Variants in TCP11L1 observed in about 807,000 individuals in gnomAD.
The protein encoded by TCP11L1 is T-complex protein 11-like protein 1.
A neutral mutation model predicts 48.9 loss-of-function variants in TCP11L1; 28 were observed. That is an observed-to-expected ratio of 0.57 (90% CI 0.42 to 0.78). TCP11L1 has a LOEUF of 0.78. TCP11L1 is among the 30% of genes least tolerant of loss of function. The pLI, the probability that TCP11L1 is intolerant of heterozygous loss-of-function variation, is 0.00. For synonymous variants in TCP11L1, 204 were observed against 231.9 expected (o/e 0.88, Z 1.09); for missense variants, 505 against 613.4 (o/e 0.82, Z 1.87).
Position 33,057,756 on chromosome 11 carries a change from T to C in TCP11L1, c.418-163T>C, listed in dbSNP as rs189289854. On this transcript the variant is annotated intron_variant, in intron 4 of 9. Transcript: ENST00000334274. ...TGGAAGCTTAAGTAGCTATTGTAAATGATTTGTAAACATGTTTTTCTGTAG... is the reference window on the plus strand; with the variant it reads ...TGGAAGCTTAAGTAGCTATTGTAAACGATTTGTAAACATGTTTTTCTGTAG... Among the ~76,000 whole-genome samples, 772 of 152,342 alleles carry C rather than the reference T, an allele frequency of 5.1e-3. 9 individuals are homozygous for C. Among genetic ancestry groups the C allele is most frequent in the African/African-American group, 0.017 (706 of 41,572 alleles).
intron 7 of TCP11L1, among the ~76,000 whole-genome samples, chr11:33,063,370 T>G (rs1054469254): frequency 1.3e-5 from 2 of 152,288 alleles, no homozygotes; most frequent in African/African-American, 4.8e-5. Flanking sequence ...ATGGTGACTC[T>G]TAAGTTTAAC....
intron 2 of TCP11L1, among the ~76,000 whole-genome samples, chr11:33,046,769 A>G (rs1448183697): frequency 6.6e-6 from 1 of 152,246 alleles, no homozygotes; most frequent in Non-Finnish European, 1.5e-5. Flanking sequence ...AAAATATGGA[A>G]TTAACAGTTT....
Position 33,043,864 on chromosome 11 carries a change from G to A in TCP11L1, c.91G>A (p.Gly31Ser). ...SEEGLEDAVE[G>S]ADEALQKAIK... ...GGAAGGCCTCGAAGATGCTGTGGAA[G>A]GTGCTGATGAAGCCTTACAAAAAGC... Residue 31 changes from glycine to serine, a missense_variant, in exon 2 of 10, where the codon GGT becomes AGT. Gly to Ser is a moderately conservative substitution (Grantham distance 56). This residue lies in a region of TCP11L1 where 168 missense variants were observed against 183.5 expected (regional missense o/e 0.92). Transcript: ENST00000334274. 1 of 1,613,944 alleles carries A rather than the reference G, an allele frequency of 6.2e-7. No homozygotes were observed. The highest frequency in any genetic ancestry group is 1.7e-5 in the Admixed American group (1 of 59,990).
chr11:33,050,114 T>C (rs1462159082), intron 2 of TCP11L1, among the ~76,000 whole-genome samples: 1 of 152,210 alleles, frequency 6.6e-6, no homozygotes, highest in Non-Finnish European at 1.5e-5. Context: ...CATTAAACCT[T>C]GAGTCAACAC....
intron 8 of TCP11L1, among the ~76,000 whole-genome samples, chr11:33,067,210 C>T (rs566875107): frequency 2.6e-5 from 4 of 152,272 alleles, no homozygotes; most frequent in South Asian, 2.1e-4. Context: ...CTTCAGTGAC[C>T]GCTCCTACCA....
At chr11:33,051,946 G>A (rs1854173288) in intron 2 of TCP11L1, among the ~76,000 whole-genome samples, 2 of 151,968 alleles carry the variant, frequency 1.3e-5, no homozygotes, top group Admixed American at 1.3e-4. Context: ...GAGGTCTTTT[G>A]TGTTTCCCTA....
At chr11:33,051,455 G>A (rs779584366) in intron 2 of TCP11L1, among the ~76,000 whole-genome samples, 1 of 152,102 alleles carries the variant, frequency 6.6e-6, no homozygotes, top group Non-Finnish European at 1.5e-5. Flanking sequence ...GCGTGATAGA[G>A]TAATTCTTTT....
At chr11:33,071,837 T>C (rs1854799124) in intron 9 of TCP11L1, among the ~76,000 whole-genome samples, 1 of 152,008 alleles carries the variant, frequency 6.6e-6, no homozygotes. Flanking sequence ...CATGCATTCA[T>C]TCATTTTTTT....
At chr11:33,050,146 C>T (rs953865978) in intron 2 of TCP11L1, among the ~76,000 whole-genome samples, 5 of 152,200 alleles carry the variant, frequency 3.3e-5, no homozygotes, top group African/African-American at 1.2e-4. Flanking sequence ...CTGCTGTGAG[C>T]ACAGGGTTGG....
intron 2 of TCP11L1, among the ~76,000 whole-genome samples, chr11:33,052,298 A>G (rs1564978230): frequency 1.3e-5 from 2 of 152,210 alleles, no homozygotes; most frequent in Non-Finnish European, 2.9e-5. Context: ...GATATTTACT[A>G]TATTTTAGCA....
chr11:33,057,929 C>T lies in TCP11L1; in HGVS notation c.428C>T (p.Ser143Phe). ...LVGEIKETLL[S>F]FLLPGHTRLR... ...TGTGTTCTCTTGTAGACTCTCTTAT[C>T]TTTCTTGCTGCCTGGTCATACTAGA... The change falls in exon 5 of 10, where the codon TCT becomes TTT. Residue 143 changes from serine to phenylalanine, a missense_variant. Coordinates refer to ENST00000334274, the MANE Select transcript of TCP11L1 (RefSeq NM_018393.4). 1 of 1,613,178 alleles carries T rather than the reference C, an allele frequency of 6.2e-7. No individual in the cohort carries two copies. The highest frequency in any genetic ancestry group is 8.5e-7 in the Non-Finnish European group (1 of 1,179,834).
Position 33,072,688 on chromosome 11 carries a change from C to G in TCP11L1, c.*12C>G, listed in dbSNP as rs768573662. The stretch of plus-strand genomic sequence containing the variant: ...TCGTCCGATCCTAACGTGTATGCAC[C>G]CTACAGCAGCAGTATTACTCACTAG... On this transcript the variant is annotated 3_prime_UTR_variant, in exon 10 of 10. Transcript: ENST00000334274. The G allele has an allele frequency of 1.9e-6, 3 of 1,613,838 alleles. No individual in the cohort carries two copies. The highest frequency in any genetic ancestry group is 1.7e-4 in the Middle Eastern group (1 of 6,020).
At chr11:33,050,049 G>A (rs955500594) in intron 2 of TCP11L1, among the ~76,000 whole-genome samples, 1 of 148,660 alleles carries the variant, frequency 6.7e-6, no homozygotes, top group Non-Finnish European at 1.5e-5. Context: ...CTTTTAACAA[G>A]CATACTGCCT....
intron 5 of TCP11L1, 57 bp downstream of exon 5, chr11:33,058,196 T>G: frequency 6.9e-7 from 1 of 1,454,268 alleles, no homozygotes; most frequent in Non-Finnish European, 9.1e-7. Context: ...CATTTTCTTT[T>G]TTTTCTTTTC....
At chr11:33,054,222 C>CT (rs879682189) in intron 2 of TCP11L1, among the ~76,000 whole-genome samples, 204 of 138,726 alleles carry the variant, frequency 1.5e-3, no homozygotes, top group Non-Finnish European at 1.5e-3. Flanking sequence ...CTGGTGTCTT[C>CT]TTTTTTTTTT....
chr11:33,061,783 T>A, intron 7 of TCP11L1, 57 bp downstream of exon 7: 4 of 1,492,378 alleles, frequency 2.7e-6, no homozygotes, highest in Non-Finnish European at 3.6e-6. Flanking sequence ...CTGAACTTTT[T>A]AAAAAGAATA....
Position 33,072,816 on chromosome 11 carries a change from C to T in TCP11L1, c.*140C>T. ...TTCCAAAGGGAAGAATATTGTGTAT[C>T]ACTGTTGAAAAGACTTGTTGAGAAA... On this transcript the variant is annotated 3_prime_UTR_variant, in exon 10 of 10. Coordinates refer to ENST00000334274, the MANE Select transcript of TCP11L1 (RefSeq NM_018393.4). The T allele has an allele frequency of 1.1e-6, 1 of 908,986 alleles. No individual in the cohort carries two copies. Among genetic ancestry groups the T allele is most frequent in the East Asian group, 2.5e-5 (1 of 40,442 alleles). The allele number at this position is 908,986 out of a possible 1,614,324, so 56.3% of individuals were successfully genotyped here. A position where few individuals can be genotyped will look rare whatever the true frequency, so the allele number is the denominator to read the frequency against.
At chr11:33,049,804 TATCTC>T (rs1259023974) in intron 2 of TCP11L1, among the ~76,000 whole-genome samples, 1 of 152,198 alleles carries the variant, frequency 6.6e-6, no homozygotes, top group Non-Finnish European at 1.5e-5. Context: ...GCCTTCCTCT[TATCTC>T]AACTGCAAAG....
At chr11:33,063,812 G>A (rs1000959989) in intron 7 of TCP11L1, among the ~76,000 whole-genome samples, 5 of 152,108 alleles carry the variant, frequency 3.3e-5, no homozygotes, top group Non-Finnish European at 5.9e-5. Flanking sequence ...TGAGCTTAAG[G>A]TTTCACCTCT....
Sources: allele counts gnomAD v4.1 joint callset (sites outside exome capture counted in the v4.1 genomes callset), GRCh38; gene constraint gnomAD v4.1.1; regional missense constraint gnomAD v4.1.1; transcripts MANE v1.5; gene names NCBI Gene and HGNC (gene_info 2026-07-23, HGNC 2026-07-21).